USP15: variants seen among roughly 807,000 people sequenced by gnomAD.
The protein encoded by USP15 is ubiquitin carboxyl-terminal hydrolase 15.
USP15 carries 18 observed loss-of-function variants against 127.1 expected under a neutral mutation model. The ratio of observed to expected loss-of-function variants is 0.14; its 90% CI spans 0.10 to 0.21. The LOEUF (loss-of-function observed/expected upper bound fraction) is 0.21. Among genes scored for constraint, USP15 ranks in the 10% least tolerant of loss-of-function variants. The pLI is 1.00. For synonymous variants in USP15, 364 were observed against 393.7 expected (o/e 0.92, Z 0.89); for missense variants, 805 against 1,159.9 (o/e 0.69, Z 4.44).
At chr12:62,376,610 A>G (rs1000711875) in intron 8 of USP15, among the ~76,000 whole-genome samples, 6 of 152,210 alleles carry the variant, frequency 3.9e-5, no homozygotes, top group Non-Finnish European at 8.8e-5. Flanking sequence ...CACAAAACTT[A>G]TAAGTAGCCA....
At chr12:62,331,073 C>T (rs2065284006) in intron 6 of USP15, among the ~76,000 whole-genome samples, 1 of 152,068 alleles carries the variant, frequency 6.6e-6, no homozygotes. Flanking sequence ...GTTTATACTC[C>T]TCAAAATTCT....
chr12:62,323,835 A>G (rs995605665), intron 5 of USP15, among the ~76,000 whole-genome samples: 16 of 152,306 alleles, frequency 1.1e-4, no homozygotes, highest in African/African-American at 3.8e-4. Context: ...CTTGATAGGT[A>G]TGTATTTATC....
intron 8 of USP15, among the ~76,000 whole-genome samples, chr12:62,370,945 T>G (rs1397698036): frequency 6.6e-6 from 1 of 152,226 alleles, no homozygotes. Context: ...CAAGTCCTGT[T>G]CATTCTACTT....
Position 62,397,451 on chromosome 12 carries a change from T to C in USP15, c.2674+1053T>C, listed in dbSNP as rs569767263. On this transcript the variant is annotated intron_variant, in intron 20 of 21. Transcript: ENST00000280377. ...TCTGTATATTTTGATGTTCTGTTTCTAAAAATGTATCCATTTCATTTAGGT... is the reference window on the plus strand; with the variant it reads ...TCTGTATATTTTGATGTTCTGTTTCCAAAAATGTATCCATTTCATTTAGGT... Among the ~76,000 whole-genome samples, 12 of 152,378 alleles carry C rather than the reference T, an allele frequency of 7.9e-5. No individual in the cohort carries two copies. The East Asian group carries it at 2.3e-3, about 29-fold the overall frequency.
At chr12:62,325,199 A>G (rs1299306572) in intron 5 of USP15, among the ~76,000 whole-genome samples, 1 of 152,036 alleles carries the variant, frequency 6.6e-6, no homozygotes, top group Non-Finnish European at 1.5e-5. Flanking sequence ...AAAATAAAGT[A>G]TAGCTCTCCC....
chr12:62,381,732 G>T (rs1156753526), intron 9 of USP15, 69 bp downstream of exon 9: 1 of 1,495,832 alleles, frequency 6.7e-7, no homozygotes, highest in African/African-American at 1.4e-5. Flanking sequence ...TGGGGATAGG[G>T]GGAGTGAAAA....
At chr12:62,290,682 T>C (rs2063936658) in intron 1 of USP15, among the ~76,000 whole-genome samples, 1 of 152,232 alleles carries the variant, frequency 6.6e-6, no homozygotes, top group Non-Finnish European at 1.5e-5. Context: ...TGTAGTTTCG[T>C]TGGTGTAATT....
intron 21 of USP15, among the ~76,000 whole-genome samples, chr12:62,401,982 C>G (rs968463579): frequency 1.3e-5 from 2 of 150,460 alleles, no homozygotes; most frequent in Non-Finnish European, 3.0e-5. Flanking sequence ...GACTTGAATA[C>G]TATAAATTTT....
In USP15 at chr12:62,288,462, G is replaced by A. The variant is rs1025490018; in HGVS notation, c.90-5717G>A. 2.7e-5 allele frequency among the ~76,000 whole-genome samples: 4 copies of A among 148,092 alleles called. No individual in the cohort carries two copies. In the Admixed American group the frequency reaches 2.8e-4, roughly 10 times the overall value. On this transcript the variant is annotated intron_variant, in intron 1 of 21. Coordinates refer to ENST00000280377, the MANE Select transcript of USP15 (RefSeq NM_001252078.2). ...TGGTTTTTGTAAGTTGATTTTGTAT[G>A]CTGAAACTTTACTGAGTTCGTTTCT... is the stretch of plus-strand genomic sequence containing the variant.
intron 3 of USP15, among the ~76,000 whole-genome samples, chr12:62,310,705 C>T (rs2064647540): frequency 6.6e-6 from 1 of 151,668 alleles, no homozygotes; most frequent in African/African-American, 2.4e-5. Flanking sequence ...TGCAGGTATC[C>T]CTTTCATATA....
chr12:62,342,596 G>C (rs1254643473), intron 6 of USP15, among the ~76,000 whole-genome samples: 2 of 151,978 alleles, frequency 1.3e-5, no homozygotes, highest in Non-Finnish European at 2.9e-5. Flanking sequence ...TTTTATTGGG[G>C]GGTCTTTTTG....
intron 1 of USP15, among the ~76,000 whole-genome samples, chr12:62,273,756 C>T (rs925792518): frequency 2.0e-5 from 3 of 151,894 alleles, no homozygotes; most frequent in Non-Finnish European, 2.9e-5. Context: ...ACATGAATCT[C>T]TTATAGGCAT....
At chr12:62,377,906 T>A (rs1254725847) in intron 8 of USP15, among the ~76,000 whole-genome samples, 2 of 152,068 alleles carry the variant, frequency 1.3e-5, no homozygotes, top group African/African-American at 4.8e-5. Flanking sequence ...TATGCTATTT[T>A]AAGAACATAC....
intron 1 of USP15, among the ~76,000 whole-genome samples, chr12:62,293,818 G>A (rs1745909198): frequency 6.6e-6 from 1 of 152,024 alleles, no homozygotes; most frequent in Non-Finnish European, 1.5e-5. Context: ...AAAATTATTT[G>A]CAAGCTTCTT....
chr12:62,271,894 G>A (rs147795516), intron 1 of USP15, among the ~76,000 whole-genome samples: 26 of 151,978 alleles, frequency 1.7e-4, no homozygotes, highest in African/African-American at 6.0e-4. Flanking sequence ...TGGATTTAAT[G>A]TGTGGAGAAG....
At chr12:62,291,067 T>C (rs2063952705) in intron 1 of USP15, among the ~76,000 whole-genome samples, 1 of 152,216 alleles carries the variant, frequency 6.6e-6, no homozygotes. Context: ...CTCTATGTCA[T>C]GGTGAGGCCC....
chr12:62,390,134 C>A, intron 14 of USP15, 146 bp downstream of exon 14: 1 of 886,076 alleles, frequency 1.1e-6, no homozygotes, highest in Non-Finnish European at 1.6e-6. Flanking sequence ...AGATTATAGT[C>A]CTAATCCACT....
chr12:62,284,019 G>A (rs1050911123), intron 1 of USP15, among the ~76,000 whole-genome samples: 9 of 152,140 alleles, frequency 5.9e-5, no homozygotes, highest in African/African-American at 1.9e-4. Flanking sequence ...GGGAAAAAAT[G>A]TAAAATTCAC....
intron 3 of USP15, among the ~76,000 whole-genome samples, chr12:62,310,578 G>A (rs1343337626): frequency 1.3e-5 from 2 of 151,704 alleles, no homozygotes; most frequent in Non-Finnish European, 2.9e-5. Flanking sequence ...TTGTAATGGC[G>A]GAATAGTACT....
Sources: gnomAD v4.1 joint callset for allele counts (sites outside exome capture counted in the v4.1 genomes callset) on GRCh38, gnomAD v4.1.1 for gene constraint, MANE v1.5 for transcripts, NCBI Gene and HGNC (gene_info 2026-07-23, HGNC 2026-07-21) for gene names.